The following CEP63 variants were observed in gnomAD, a reference collection of about 807,000 sequenced individuals.
CEP63 encodes the protein centrosomal protein 63.
CEP63 carries 84 observed loss-of-function variants against 89.1 expected under a neutral mutation model. The observed-to-expected ratio is 0.94, with a 90% CI of 0.79 to 1.13. The LOEUF is 1.13. Ranked by LOEUF, CEP63 falls within the 50% of genes most tolerant of loss-of-function variation. CEP63 has a pLI of 0.00. For missense variants in CEP63, 838 were observed against 813.3 expected (o/e 1.03, Z -0.37); for synonymous variants, 267 against 272.5 (o/e 0.98, Z 0.20).
the CEP63 span, among the ~76,000 whole-genome samples, chr3:134,710,004 T>C: frequency 2.6e-5 from 4 of 152,218 alleles, no homozygotes; most frequent in Non-Finnish European, 4.4e-5. Flanking sequence ...CTTCACTGCA[T>C]TGGCAAGAAG....
At chr3:134,767,960 C>G in the CEP63 span, among the ~76,000 whole-genome samples, 1 of 152,114 alleles carries the variant, frequency 6.6e-6, no homozygotes, top group African/African-American at 2.4e-5. Context: ...TCAAATAAAA[C>G]TAGGGGAAAG....
the CEP63 span, among the ~76,000 whole-genome samples, chr3:134,676,541 G>A: frequency 1 from 152,348 of 152,348 alleles, 76,174 homozygotes; most frequent in Non-Finnish European, 1. Flanking sequence ...ATAACAAATA[G>A]TGATTGTAAA....
the CEP63 span, among the ~76,000 whole-genome samples, chr3:134,694,541 G>T: frequency 6.6e-6 from 1 of 152,206 alleles, no homozygotes; most frequent in Non-Finnish European, 1.5e-5. Flanking sequence ...GTTTGTCTGT[G>T]CCTGGGCCTG....
chr3:134,596,428 C>A, the CEP63 span, among the ~76,000 whole-genome samples: 1 of 152,206 alleles, frequency 6.6e-6, no homozygotes, highest in Non-Finnish European at 1.5e-5. Context: ...GCATCCTCAG[C>A]CTCCTCCAGG....
chr3:134,709,739 A>C, the CEP63 span, among the ~76,000 whole-genome samples: 1 of 152,242 alleles, frequency 6.6e-6, no homozygotes, highest in Non-Finnish European at 1.5e-5. Flanking sequence ...TTATAGAGAC[A>C]GTCTGGAATG....
chr3:134,589,697 C>T (rs1958560821), downstream of CEP63, among the ~76,000 whole-genome samples: 1 of 151,938 alleles, frequency 6.6e-6, no homozygotes, highest in Non-Finnish European at 1.5e-5. Flanking sequence ...GGTGATTTCT[C>T]AAAGAACTTA....
the CEP63 span, among the ~76,000 whole-genome samples, chr3:134,733,189 T>C: frequency 6.6e-6 from 1 of 152,180 alleles, no homozygotes; most frequent in Admixed American, 6.5e-5. Context: ...CTGTTTGCTA[T>C]ACAAACTCCC....
intron 3 of CEP63, among the ~76,000 whole-genome samples, chr3:134,514,359 G>A (rs1945734178): frequency 6.6e-6 from 1 of 152,072 alleles, no homozygotes; most frequent in Admixed American, 6.6e-5. Flanking sequence ...TAATATAAGT[G>A]TTTTTGGAAT....
downstream of CEP63, among the ~76,000 whole-genome samples, chr3:134,592,225 T>C (rs1190486579): frequency 6.6e-6 from 1 of 152,208 alleles, no homozygotes; most frequent in Non-Finnish European, 1.5e-5. Context: ...TCTTTACAAC[T>C]AGCAGCTGGC....
the CEP63 span, among the ~76,000 whole-genome samples, chr3:134,665,388 G>C: frequency 2.4e-4 from 36 of 152,330 alleles, no homozygotes; most frequent in African/African-American, 8.7e-4. Flanking sequence ...CAAGCAAGGT[G>C]GGAGCCTGGC....
chr3:134,537,027 C>A, intron 5 of CEP63, 128 bp from the exon 6 acceptor site: 1 of 722,714 alleles, frequency 1.4e-6, no homozygotes, highest in African/African-American at 1.7e-5. Flanking sequence ...AGTAATGGGG[C>A]TCCCGCTGTG....
the CEP63 span, among the ~76,000 whole-genome samples, chr3:134,661,409 A>G: frequency 4.0e-3 from 609 of 152,210 alleles, 4 homozygotes; most frequent in African/African-American, 0.014. Flanking sequence ...TTCCCATCCA[A>G]TTACGATTCC....
At chr3:134,751,625 C>T in the CEP63 span, among the ~76,000 whole-genome samples, 1 of 152,234 alleles carries the variant, frequency 6.6e-6, no homozygotes, top group African/African-American at 2.4e-5. Context: ...CCACTGGGAC[C>T]TGTAGGATTT....
chr3:134,489,231 A>G (rs1440018747), intron 1 of CEP63, among the ~76,000 whole-genome samples: 1 of 151,928 alleles, frequency 6.6e-6, no homozygotes, highest in East Asian at 1.9e-4. Context: ...GTAGCTACAG[A>G]TTGCCTGGTG....
the CEP63 span, among the ~76,000 whole-genome samples, chr3:134,704,333 T>C: frequency 1.3e-5 from 2 of 152,132 alleles, no homozygotes; most frequent in Non-Finnish European, 2.9e-5. Context: ...TGAGGAAGAA[T>C]TGGGCCTCAT....
chr3:134,622,696 TA>T, the CEP63 span, among the ~76,000 whole-genome samples: 3 of 152,104 alleles, frequency 2.0e-5, no homozygotes, highest in East Asian at 5.8e-4. Context: ...TATTTTATGA[TA>T]AAAAAAGAAC....
At chr3:134,742,657 G>T in the CEP63 span, among the ~76,000 whole-genome samples, 128 of 152,292 alleles carry the variant, frequency 8.4e-4, no homozygotes, top group African/African-American at 2.8e-3. Flanking sequence ...AATTGTCAAT[G>T]TAACAGTGTT....
At chr3:134,579,753 G>A (rs931065552), downstream of CEP63, among the ~76,000 whole-genome samples, 5 of 152,092 alleles carry the variant, frequency 3.3e-5, no homozygotes, top group Admixed American at 2.6e-4. Context: ...GACATCATTC[G>A]AATGTCTATA....
chr3:134,650,878 C>A, the CEP63 span: 6 of 1,612,678 alleles, frequency 3.7e-6, no homozygotes, highest in African/African-American at 1.3e-5. Context: ...TGAGAGCGTA[C>A]CCTGTGCGGC....
Sources: gnomAD v4.1 joint callset for allele counts (sites outside exome capture counted in the v4.1 genomes callset) on GRCh38, gnomAD v4.1.1 for gene constraint, MANE v1.5 for transcripts, NCBI Gene and HGNC (gene_info 2026-07-23, HGNC 2026-07-21) for gene names.